Variants in AKR1C8 observed in about 807,000 individuals in gnomAD.
AKR1C8 encodes the protein aldo-keto reductase family 1 member C-like protein 1.
the AKR1C8 span, among the ~76,000 whole-genome samples, chr10:5,169,952 T>C: frequency 4.7e-4 from 72 of 152,218 alleles, 1 homozygote; most frequent in East Asian, 0.013. Context: ...TTTTGGGCTG[T>C]CAGGGGTTGC....
chr10:5,180,981 G>C, the AKR1C8 span, among the ~76,000 whole-genome samples: 5 of 152,190 alleles, frequency 3.3e-5, no homozygotes, highest in Non-Finnish European at 7.3e-5. Context: ...CATGCACAGT[G>C]CACTGCACCC....
chr10:5,176,585 C>T, the AKR1C8 span, among the ~76,000 whole-genome samples: 10 of 150,886 alleles, frequency 6.6e-5, no homozygotes, highest in East Asian at 9.8e-4. Context: ...GCCATTTTCA[C>T]GATATTGATT....
chr10:5,182,746 C>T, the AKR1C8 span, among the ~76,000 whole-genome samples: 346 of 151,804 alleles, frequency 2.3e-3, no homozygotes, highest in Non-Finnish European at 3.8e-3. Context: ...CCTGTCTCTA[C>T]GAAAATACAA....
At chr10:5,173,050 C>A in the AKR1C8 span, among the ~76,000 whole-genome samples, 1 of 152,044 alleles carries the variant, frequency 6.6e-6, no homozygotes, top group Non-Finnish European at 1.5e-5. Flanking sequence ...ATTCCAGGGG[C>A]TCCATAAGGA....
At chr10:5,164,728 T>C in the AKR1C8 span, among the ~76,000 whole-genome samples, 381 of 152,224 alleles carry the variant, frequency 2.5e-3, 2 homozygotes, top group Middle Eastern at 0.01. Flanking sequence ...TTTTCTTTCA[T>C]GGAAGACCTA....
the AKR1C8 span, among the ~76,000 whole-genome samples, chr10:5,146,076 T>C: frequency 2.6e-5 from 4 of 151,726 alleles, no homozygotes; most frequent in South Asian, 2.1e-4. Flanking sequence ...GAAATCATCA[T>C]TCTCAGTAAA....
the AKR1C8 span, chr10:5,161,908 A>G: frequency 1.9e-6 from 1 of 534,632 alleles, no homozygotes; most frequent in Non-Finnish European, 3.8e-6. Flanking sequence ...GTCCGGTCCA[A>G]GTTTCTTCAG....
chr10:5,166,952 A>AC, the AKR1C8 span, among the ~76,000 whole-genome samples: 71 of 150,294 alleles, frequency 4.7e-4, no homozygotes, highest in African/African-American at 1.6e-3. Flanking sequence ...GAAAAAAAAA[A>AC]CCCATCAAAA....
the AKR1C8 span, among the ~76,000 whole-genome samples, chr10:5,117,939 A>C: frequency 6.6e-6 from 1 of 152,152 alleles, no homozygotes; most frequent in Non-Finnish European, 1.5e-5. Flanking sequence ...AAAATTCAGC[A>C]TATGGTTAGG....
the AKR1C8 span, among the ~76,000 whole-genome samples, chr10:5,123,123 G>A: frequency 6.6e-6 from 1 of 152,166 alleles, no homozygotes; most frequent in African/African-American, 2.4e-5. Flanking sequence ...CTGTGGTAGA[G>A]TAGAAAACCT....
chr10:5,170,210 T>C, the AKR1C8 span, among the ~76,000 whole-genome samples: 3 of 152,214 alleles, frequency 2.0e-5, no homozygotes, highest in Non-Finnish European at 4.4e-5. Context: ...TAGGAAAGCA[T>C]AGCTTATTTT....
At chr10:5,130,290 T>A in the AKR1C8 span, among the ~76,000 whole-genome samples, 1 of 152,098 alleles carries the variant, frequency 6.6e-6, no homozygotes, top group East Asian at 1.9e-4. Flanking sequence ...AAAAGCCATA[T>A]ATGACAAACC....
the AKR1C8 span, among the ~76,000 whole-genome samples, chr10:5,139,923 C>A: frequency 1.1e-4 from 17 of 152,224 alleles, no homozygotes; most frequent in South Asian, 1.7e-3. Context: ...TATCCAGAAT[C>A]TACAAAGAAC....
chr10:5,178,501 T>A, the AKR1C8 span, among the ~76,000 whole-genome samples: 1 of 152,178 alleles, frequency 6.6e-6, no homozygotes, highest in African/African-American at 2.4e-5. Flanking sequence ...TAGGTCCGCT[T>A]GGTGCAGAGC....
At chr10:5,141,192 C>G in the AKR1C8 span, among the ~76,000 whole-genome samples, 2 of 152,044 alleles carry the variant, frequency 1.3e-5, no homozygotes, top group Admixed American at 1.3e-4. Flanking sequence ...AGATTTCAAC[C>G]CAAGAACAAC....
At chr10:5,164,345 T>C in the AKR1C8 span, among the ~76,000 whole-genome samples, 2 of 152,028 alleles carry the variant, frequency 1.3e-5, no homozygotes, top group Admixed American at 1.3e-4. Context: ...AGCTTTCTTC[T>C]TTCATTTATT....
the AKR1C8 span, among the ~76,000 whole-genome samples, chr10:5,127,989 T>A: frequency 2.6e-5 from 4 of 152,146 alleles, no homozygotes; most frequent in East Asian, 5.8e-4. Flanking sequence ...CATGAGTCTA[T>A]CTAAAGTCAA....
chr10:5,125,416 C>T, the AKR1C8 span, among the ~76,000 whole-genome samples: 2 of 152,164 alleles, frequency 1.3e-5, no homozygotes, highest in African/African-American at 2.4e-5. Context: ...AGGACATAAA[C>T]TTTTGGGAAC....
At chr10:5,154,753 C>T in the AKR1C8 span, 3 of 152,300 alleles carry the variant, frequency 2.0e-5, no homozygotes, top group Non-Finnish European at 4.4e-5. Flanking sequence ...TTGTATTTCC[C>T]CTGCTTCTAA....
Sources: allele counts gnomAD v4.1 joint callset (sites outside exome capture counted in the v4.1 genomes callset), GRCh38; gene constraint gnomAD v4.1.1; transcripts MANE v1.5; gene names NCBI Gene and HGNC (gene_info 2026-07-23, HGNC 2026-07-21).